The following RFX2 variants were observed in gnomAD, a reference collection of about 807,000 sequenced individuals.
RFX2 encodes the protein DNA-binding protein RFX2.
RFX2 carries 20 observed loss-of-function variants against 87.8 expected under a neutral mutation model. That is an observed-to-expected ratio of 0.23 (90% CI 0.16 to 0.33). The LOEUF (loss-of-function observed/expected upper bound fraction) is 0.33, where lower values mean the gene tolerates loss of function less well. Ranked by LOEUF, RFX2 falls within the 10% of genes least tolerant of loss-of-function variation. The pLI, the probability that RFX2 is intolerant of heterozygous loss-of-function variation, is 1.00. For synonymous variants in RFX2, 397 were observed against 431.3 expected, an observed-to-expected ratio of 0.92 and a Z score of 0.98; for missense variants, 767 against 1,012.3, an observed-to-expected ratio of 0.76 and a Z score of 3.29.
At chr19:6,089,453 T>C (rs999985921) in intron 1 of RFX2, among the ~76,000 whole-genome samples, 20 of 152,202 alleles carry the variant, frequency 1.3e-4, no homozygotes, top group African/African-American at 4.8e-4. Context: ...GTTGGAATGT[T>C]GTGTCCCCCC....
chr19:6,026,141 G>T lies in RFX2; in HGVS notation c.597+22C>A. The T allele has an allele frequency of 6.2e-7, 1 of 1,600,934 alleles. No individual in the cohort carries two copies. On this transcript the variant is annotated intron_variant, in intron 6 of 17. Transcript: ENST00000303657. The surrounding 1 kb of genome is among the most constrained non-coding windows in gnomAD (Gnocchi z 4.5). Reference sequence around the variant, plus strand: ...GTTACAAGCAGAGCAGGGACAGGTTGCCAGGTCAGACGCACACTTACATGG... The same window carrying T: ...GTTACAAGCAGAGCAGGGACAGGTTTCCAGGTCAGACGCACACTTACATGG...
chr19:6,012,849 G>C lies in RFX2; in HGVS notation c.899+137C>G. 1.2e-6 allele frequency: 1 copy of C among 838,306 alleles called. No homozygotes were observed. The highest frequency in any genetic ancestry group is 1.7e-6 in the Non-Finnish European group (1 of 593,762). The allele number at this position is 838,306 out of a possible 1,614,324, so 51.9% of individuals were successfully genotyped here. A position where few individuals can be genotyped will look rare whatever the true frequency, so the allele number is the denominator to read the frequency against. On this transcript the variant is annotated intron_variant, in intron 8 of 17. Transcript: ENST00000303657. The surrounding 1 kb of genome is among the most constrained non-coding windows in gnomAD (Gnocchi z 4.6). Reference sequence around the variant, plus strand: ...TCCTGCTAGACTCACCTCAGTCTCAGCAGAGGGGGATACCTTGGCTTTCCC... The same window carrying C: ...TCCTGCTAGACTCACCTCAGTCTCACCAGAGGGGGATACCTTGGCTTTCCC...
chr19:6,096,002 C>A (rs959009126), intron 1 of RFX2, among the ~76,000 whole-genome samples: 1 of 152,192 alleles, frequency 6.6e-6, no homozygotes, highest in African/African-American at 2.4e-5. Flanking sequence ...ATCGGGAGAG[C>A]TGAGTAGTTG....
chr19:6,083,829 C>T lies in RFX2; in HGVS notation c.-9+26564G>A, dbSNP rs367639382. Among the ~76,000 whole-genome samples, 7 of 152,228 alleles carry T rather than the reference C, an allele frequency of 4.6e-5. No individual in the cohort carries two copies. The East Asian group carries it at 9.6e-4, about 21-fold the overall frequency. On this transcript the variant is annotated intron_variant, in intron 1 of 17. Coordinates refer to ENST00000303657, the MANE Select transcript of RFX2 (RefSeq NM_000635.4). This position sits in a 1 kb window ranked among gnomAD's most constrained non-coding sequence, Gnocchi z 4.6. ...GGCCTTTGGGGGAACATGTCTTACT[C>T]ATAATTATAGGCAGCGGAAAATGCC...
At chr19:6,033,610 C>A (rs2144749089) in intron 5 of RFX2, among the ~76,000 whole-genome samples, 1 of 93,552 alleles carries the variant, frequency 1.1e-5, no homozygotes, top group Non-Finnish European at 2.0e-5. Flanking sequence ...CTTTTCCCAC[C>A]TTTGCAAAAA....
At chr19:6,104,366 G>A (rs1027225210) in intron 1 of RFX2, among the ~76,000 whole-genome samples, 3 of 151,636 alleles carry the variant, frequency 2.0e-5, no homozygotes, top group South Asian at 2.1e-4. Flanking sequence ...TCAGGAGATC[G>A]AGACCATCCT....
intron 1 of RFX2, among the ~76,000 whole-genome samples, chr19:6,100,930 G>A (rs1033849845): frequency 1.3e-5 from 2 of 149,518 alleles, no homozygotes; most frequent in African/African-American, 2.5e-5. Flanking sequence ...TTACTCACCC[G>A]CGTCTGTCAT....
At chr19:6,109,843 T>C (rs1191735388) in intron 1 of RFX2, among the ~76,000 whole-genome samples, 1 of 142,798 alleles carries the variant, frequency 7.0e-6, no homozygotes, top group Non-Finnish European at 1.5e-5. Context: ...ATTCGAGGGT[T>C]TGAGTAAAAG....
rs760770934 is a variant in RFX2 at position 5,995,559 on chromosome 19, C to T, written c.2056+42G>A. On this transcript the variant is annotated intron_variant, in intron 17 of 17. Coordinates refer to ENST00000303657, the MANE Select transcript of RFX2 (RefSeq NM_000635.4). ...ACAGGCCACGGCCAGGAGTACCACC[C>T]TCCTGGGAGGGTCGTGGTGGGAAAG... is the stretch of plus-strand genomic sequence containing the variant. 3.9e-6 allele frequency: 6 copies of T among 1,546,530 alleles called. 1 individual carries two copies. The Admixed American group carries it at 5.9e-5, about 15-fold the overall frequency.
At chr19:6,000,355 T>C (rs2086475090) in intron 15 of RFX2, among the ~76,000 whole-genome samples, 1 of 152,254 alleles carries the variant, frequency 6.6e-6, no homozygotes, top group Non-Finnish European at 1.5e-5. Context: ...CAAACTGTTT[T>C]GTTTGCATTG....
Position 5,994,858 on chromosome 19 carries a change from T to G in RFX2, c.2149A>C (p.Asn717His). 6.2e-7 allele frequency: 1 copy of G among 1,610,170 alleles called. No individual in the cohort carries two copies. Among genetic ancestry groups the G allele is most frequent in the Non-Finnish European group, 8.5e-7 (1 of 1,179,650 alleles). The part of the protein sequence containing the change: ...PLVKRERSDP[N>H]HSLQGI The stretch of plus-strand genomic sequence containing the variant: ...TGCTAGATGCCCTGCAGGGAGTGGT[T>G]GGGGTCACTGCGCTCCCGCTTTACC... Residue 717 changes from asparagine (N) to histidine (H), a missense_variant, in exon 18 of 18, where the codon AAC becomes CAC. Coordinates refer to ENST00000303657, the MANE Select transcript of RFX2 (RefSeq NM_000635.4).
In RFX2 at chr19:6,056,735, C is replaced by T. The variant is rs1364663305; in HGVS notation, c.-8-9231G>A. Among the ~76,000 whole-genome samples, 3 of 152,212 alleles carry T rather than the reference C, an allele frequency of 2.0e-5. No individual in the cohort carries two copies. The highest frequency in any genetic ancestry group is 1.9e-4 in the East Asian group (1 of 5,202). On this transcript the variant is annotated intron_variant, in intron 1 of 17. Transcript: ENST00000303657. The surrounding 1 kb of genome is among the most constrained non-coding windows in gnomAD (Gnocchi z 4.6). Reference sequence around the variant, plus strand: ...TGGACCCATTCAGTGACTGCCCTGCCGTCCTTGCTTTCTCGCGTTCCTTTG... The same window carrying T: ...TGGACCCATTCAGTGACTGCCCTGCTGTCCTTGCTTTCTCGCGTTCCTTTG...
intron 1 of RFX2, among the ~76,000 whole-genome samples, chr19:6,090,060 C>T (rs1457959704): frequency 6.6e-6 from 1 of 152,098 alleles, no homozygotes; most frequent in Non-Finnish European, 1.5e-5. Context: ...GTCCCAGGCT[C>T]AAGAGGTCCT....
intron 1 of RFX2, among the ~76,000 whole-genome samples, chr19:6,088,477 C>T (rs951460913): frequency 6.6e-6 from 1 of 152,128 alleles, no homozygotes; most frequent in Non-Finnish European, 1.5e-5. Context: ...TCCCAAAGTG[C>T]TGGGATTCCA....
At position 6,063,827 on chromosome 19, in the gene RFX2, G is replaced by A. The variant is rs929462625; in HGVS notation, c.-8-16323C>T. Among the ~76,000 whole-genome samples the A allele has an allele frequency of 3.9e-5, 6 of 152,244 alleles. No individual in the cohort carries two copies. The highest frequency in any genetic ancestry group is 4.8e-5 in the African/African-American group (2 of 41,550). On this transcript the variant is annotated intron_variant, in intron 1 of 17. Coordinates refer to ENST00000303657, the MANE Select transcript of RFX2 (RefSeq NM_000635.4). This position sits in a 1 kb window ranked among gnomAD's most constrained non-coding sequence, Gnocchi z 4.0. ...CCCACTCCATGCCAGGAAACCCCCC[G>A]ACCCCTGTCTGACAGCCACAAATGT...
Position 6,010,663 on chromosome 19 carries a change from G to C in RFX2, c.900-412C>G, listed in dbSNP as rs530372566. ...TTGCAACTGGTCTCTCTCACTGAGCGTTATGTCCTCAAGGTCCACCGAGTT... is the reference window on the plus strand; with the variant it reads ...TTGCAACTGGTCTCTCTCACTGAGCCTTATGTCCTCAAGGTCCACCGAGTT... On this transcript the variant is annotated intron_variant, in intron 8 of 17. Transcript: ENST00000303657. The surrounding 1 kb of genome is among the most constrained non-coding windows in gnomAD (Gnocchi z 5.0). 6.6e-6 allele frequency among the ~76,000 whole-genome samples: 1 copy of C among 152,106 alleles called. No homozygotes were observed. The highest frequency in any genetic ancestry group is 2.4e-5 in the African/African-American group (1 of 41,394).
chr19:6,003,001 A>G (rs116815381), intron 13 of RFX2, 131 bp from the exon 14 acceptor site: 3 of 994,356 alleles, frequency 3.0e-6, no homozygotes, highest in African/African-American at 1.6e-5. Context: ...TGGGCAGGGA[A>G]GAGGGAACCT....
Position 6,013,132 on chromosome 19 carries a change from C to T in RFX2, c.780-27G>A, listed in dbSNP as rs1253504818. Reference sequence around the variant, plus strand: ...TGGAAACCAAACATCCCAGGGTCAGCTCCCTTTGCAGATGTCCTGAACAAC... The same window carrying T: ...TGGAAACCAAACATCCCAGGGTCAGTTCCCTTTGCAGATGTCCTGAACAAC... On this transcript the variant is annotated intron_variant, in intron 7 of 17. Coordinates refer to ENST00000303657, the MANE Select transcript of RFX2 (RefSeq NM_000635.4). The surrounding 1 kb of genome is among the most constrained non-coding windows in gnomAD (Gnocchi z 4.1). The T allele has an allele frequency of 2.6e-6, 4 of 1,564,790 alleles. No homozygotes were observed. The highest frequency in any genetic ancestry group is 2.6e-6 in the Non-Finnish European group (3 of 1,157,396).
chr19:6,036,581 G>A (rs530944418), intron 5 of RFX2, among the ~76,000 whole-genome samples: 1 of 152,328 alleles, frequency 6.6e-6, no homozygotes, highest in Non-Finnish European at 1.5e-5. Flanking sequence ...AAGTTATTGT[G>A]TAATTGAAAG....
Sources: allele counts gnomAD v4.1 joint callset (sites outside exome capture counted in the v4.1 genomes callset), GRCh38; gene constraint gnomAD v4.1.1; non-coding constraint Gnocchi (gnomAD v3.1); transcripts MANE v1.5; gene names NCBI Gene and HGNC (gene_info 2026-07-23, HGNC 2026-07-21).